SH3TC2: variants seen among roughly 807,000 people sequenced by gnomAD.
SH3TC2 encodes SH3 domain and tetratricopeptide repeat-containing protein 2.
A neutral mutation model predicts 124.5 loss-of-function variants in SH3TC2; 87 were observed. The observed-to-expected ratio is 0.70, with a 90% CI of 0.59 to 0.84. The LOEUF (loss-of-function observed/expected upper bound fraction) is 0.84, where lower values mean the gene tolerates loss of function less well. Ranked by LOEUF, SH3TC2 falls within the 40% of genes least tolerant of loss-of-function variation. The pLI, the probability that SH3TC2 is intolerant of heterozygous loss-of-function variation, is 0.00. For missense variants in SH3TC2, 1,536 were observed against 1,566.4 expected, an observed-to-expected ratio of 0.98 and a Z score of 0.33; for synonymous variants, 634 against 628.5, an observed-to-expected ratio of 1.01 and a Z score of -0.13.
chr5:149,008,762 C>T, intron 15 of SH3TC2, 89 bp downstream of exon 15: 2 of 1,579,232 alleles, frequency 1.3e-6, no homozygotes, highest in South Asian at 1.1e-5. Flanking sequence ...CACAGTCTGA[C>T]TCCAGGGCCT....
rs201027465 is a variant in SH3TC2 at position 148,998,772 on chromosome 5, G to A, written c.*5939C>T. Among the ~76,000 whole-genome samples the A allele has an allele frequency of 4.6e-5, 7 of 152,124 alleles. No individual in the cohort carries two copies. Among genetic ancestry groups the A allele is most frequent in the East Asian group, 3.9e-4 (2 of 5,180 alleles). On this transcript the variant is annotated 3_prime_UTR_variant, in exon 17 of 17. Transcript: ENST00000515425. ...AGACACCCCTTAGAGGAGGGTGAACGAAGTGCACATTCCCAGAGCCAGCAC... is the reference window on the plus strand; with the variant it reads ...AGACACCCCTTAGAGGAGGGTGAACAAAGTGCACATTCCCAGAGCCAGCAC...
rs1753358406 is a variant in SH3TC2, at chr5:148,987,840, TG to T, written c.*16870del. Among the ~76,000 whole-genome samples, 2 of 151,644 alleles carry T rather than the reference TG, an allele frequency of 1.3e-5. No individual in the cohort carries two copies. The highest frequency in any genetic ancestry group is 2.9e-5 in the Non-Finnish European group (2 of 67,892). On this transcript the variant is annotated 3_prime_UTR_variant, in exon 17 of 17. Transcript: ENST00000515425. ...GTGTGTGTGTGTGTGTGTGTGTGTGTGTGTGTGTGTGTGTGTTCTTTAGATC... is the reference window on the plus strand; with the variant it reads ...GTGTGTGTGTGTGTGTGTGTGTGTGTTGTGTGTGTGTGTGTTCTTTAGATC...
chr5:149,008,576 T>G lies in SH3TC2; in HGVS notation c.3478+275A>C, dbSNP rs1753729806. On this transcript the variant is annotated intron_variant, in intron 15 of 16. Coordinates refer to ENST00000515425, the MANE Select transcript of SH3TC2 (RefSeq NM_024577.4). Reference sequence around the variant, plus strand: ...CAACACTTACCAAGGACTTACCATGTACCCAGGATTGTGCTATGGCTGTTA... The same window carrying G: ...CAACACTTACCAAGGACTTACCATGGACCCAGGATTGTGCTATGGCTGTTA... The G allele has an allele frequency of 9.6e-6, 5 of 522,330 alleles. No homozygotes were observed. The East Asian group carries it at 1.8e-4, about 19-fold the overall frequency. 32.4% of individuals were successfully genotyped at this position (522,330 alleles called of 1,614,324 possible). A position where few individuals can be genotyped will look rare whatever the true frequency, so the allele number is the denominator to read the frequency against.
Position 148,992,599 on chromosome 5 carries a change from GGTTTT to G in SH3TC2, c.*12107_*12111del, listed in dbSNP as rs1422270673. ...CATAATTCCAAGAAGAGATTTCATT[GGTTTT>G]TTTTTTTTTTTTTTTTTTCAGATTT... On this transcript the variant is annotated 3_prime_UTR_variant, in exon 17 of 17. Coordinates refer to ENST00000515425, the MANE Select transcript of SH3TC2 (RefSeq NM_024577.4). 1.4e-4 allele frequency among the ~76,000 whole-genome samples: 9 copies of G among 64,736 alleles called. No homozygotes were observed. Among genetic ancestry groups the G allele is most frequent in the African/African-American group, 4.9e-4 (9 of 18,460 alleles). The allele number at this position is 64,736 out of a possible 152,430, so 42.5% of individuals were successfully genotyped here.
At chr5:149,049,814 T>C (rs1754527034) in intron 2 of SH3TC2, among the ~76,000 whole-genome samples, 1 of 151,634 alleles carries the variant, frequency 6.6e-6, no homozygotes, top group Non-Finnish European at 1.5e-5. Flanking sequence ...CTAAATAACA[T>C]CGTGGATATA....
intron 8 of SH3TC2, among the ~76,000 whole-genome samples, chr5:149,037,029 G>C (rs570918029): frequency 1.3e-5 from 2 of 152,192 alleles, no homozygotes; most frequent in South Asian, 4.1e-4. Context: ...TGTCACCCTT[G>C]CTCAGAGACA....
At position 149,004,101 on chromosome 5, in the gene SH3TC2, G is replaced by A. The variant is rs1353766569; in HGVS notation, c.*610C>T. ...ATGTGGGAGCACAGCCTTATGGCAG[G>A]AGGAAGATGGTGAATCCAAGTCAGG... On this transcript the variant is annotated 3_prime_UTR_variant, in exon 17 of 17. Coordinates refer to ENST00000515425, the MANE Select transcript of SH3TC2 (RefSeq NM_024577.4). 3 of 190,756 alleles carry A rather than the reference G, an allele frequency of 1.6e-5. No homozygotes were observed. The highest frequency in any genetic ancestry group is 3.3e-5 in the Non-Finnish European group (3 of 90,908). 11.8% of individuals were successfully genotyped at this position (190,756 alleles called of 1,614,324 possible). A position where few individuals can be genotyped will look rare whatever the true frequency, so the allele number is the denominator to read the frequency against.
In SH3TC2 at chr5:148,987,181, C is replaced by T. The variant is rs981601402; in HGVS notation, c.*17530G>A. Among the ~76,000 whole-genome samples the T allele has an allele frequency of 2.0e-5, 3 of 152,016 alleles. No individual in the cohort carries two copies. Among genetic ancestry groups the T allele is most frequent in the African/African-American group, 7.3e-5 (3 of 41,378 alleles). ...TTAATTTGATTTAAATTATTTTAAC[C>T]ACTGTAACCCCTCTGTGGGGAGAGG... On this transcript the variant is annotated 3_prime_UTR_variant, in exon 17 of 17. Coordinates refer to ENST00000515425, the MANE Select transcript of SH3TC2 (RefSeq NM_024577.4).
At chr5:149,025,612 A>T (rs960745013) in intron 12 of SH3TC2, among the ~76,000 whole-genome samples, 1 of 152,226 alleles carries the variant, frequency 6.6e-6, no homozygotes, top group African/African-American at 2.4e-5. Context: ...AATGGAATCA[A>T]TTTAAGGCTT....
intron 12 of SH3TC2, among the ~76,000 whole-genome samples, chr5:149,025,367 T>A: frequency 6.6e-6 from 1 of 152,204 alleles, no homozygotes; most frequent in East Asian, 1.9e-4. Context: ...TGATTATTCC[T>A]TATCTGATTG....
In SH3TC2 at chr5:148,998,891, T is replaced by C. The variant is rs1309341884; in HGVS notation, c.*5820A>G. ...GGTACATATCAGGAAATATATGCTGTCCCACCGAAGAGGGAAGACCGCCAA... is the reference window on the plus strand; with the variant it reads ...GGTACATATCAGGAAATATATGCTGCCCCACCGAAGAGGGAAGACCGCCAA... On this transcript the variant is annotated 3_prime_UTR_variant, in exon 17 of 17. Transcript: ENST00000515425. Among the ~76,000 whole-genome samples, 1 of 151,934 alleles carries C rather than the reference T, an allele frequency of 6.6e-6. No individual in the cohort carries two copies. The highest frequency in any genetic ancestry group is 1.9e-4 in the East Asian group (1 of 5,170).
Position 149,027,960 on chromosome 5 carries a change from AG to A in SH3TC2, c.1771del (p.Leu591CysfsTer54). Reference sequence around the variant, plus strand: ...CAGCAGGGCACCTGCCTTTTCCAACAGGGCGGAGCCTTTATGTCTCAGCCTC... The same window carrying A: ...CAGCAGGGCACCTGCCTTTTCCAACAGGCGGAGCCTTTATGTCTCAGCCTC... ...KQRLRHKGSA[L>X]LEKAGALLAC... On this transcript the variant is annotated frameshift_variant, in exon 11 of 17. Coordinates refer to ENST00000515425, the MANE Select transcript of SH3TC2 (RefSeq NM_024577.4). LOFTEE classifies it high-confidence loss of function. 6.2e-7 allele frequency: 1 copy of A among 1,614,156 alleles called. No homozygotes were observed. The highest frequency in any genetic ancestry group is 8.5e-7 in the Non-Finnish European group (1 of 1,180,040).
rs748413646 is a variant in SH3TC2, at chr5:149,010,301, C to T, written c.3296G>A (p.Arg1099His). The change falls in exon 14 of 17, where the codon CGC (arginine) becomes CAC (histidine). Residue 1099 changes from arginine (R) to histidine (H), a missense_variant. By Grantham distance (29) the Arg-to-His change is conservative (BLOSUM62 0). Coordinates refer to ENST00000515425, the MANE Select transcript of SH3TC2 (RefSeq NM_024577.4). The part of the protein sequence containing the change: ...EAGDVFFNGT[R>H]HRHHAVEYYR... ...GTACTCCACTGCATGATGCCTGTGG[C>T]GGGTCCCATTGAAGAACACATCACC... 1.6e-5 allele frequency: 26 copies of T among 1,614,082 alleles called. No individual in the cohort carries two copies. In the East Asian group the frequency reaches 3.3e-4, roughly 21 times the overall value.
chr5:149,019,333 A>G (rs1485655315), intron 12 of SH3TC2, among the ~76,000 whole-genome samples: 1 of 151,854 alleles, frequency 6.6e-6, no homozygotes, highest in East Asian at 1.9e-4. Context: ...TGATTTATAC[A>G]TGCTAAATAA....
Position 149,044,376 on chromosome 5 carries a change from G to T in SH3TC2, c.385+157C>A. 5 of 643,316 alleles carry T rather than the reference G, an allele frequency of 7.8e-6. No homozygotes were observed. In the East Asian group the frequency reaches 1.4e-4, roughly 18 times the overall value. The allele number at this position is 643,316 out of a possible 1,614,324, so 39.9% of individuals were successfully genotyped here. ...ATAGTTAATATTTGCCTTAGATTTA[G>T]TTTGAGGCACTTTGTGAAATTTCAA... is the stretch of plus-strand genomic sequence containing the variant. On this transcript the variant is annotated intron_variant, in intron 4 of 16. Transcript: ENST00000515425.
At chr5:149,038,909 C>A (rs553719147) in intron 7 of SH3TC2, among the ~76,000 whole-genome samples, 21 of 152,354 alleles carry the variant, frequency 1.4e-4, no homozygotes, top group African/African-American at 5.0e-4. Context: ...GTGAGAACCA[C>A]TCGACCAGAG....
rs187646195 is a variant in SH3TC2, at chr5:148,984,490, G to C, written c.*20221C>G. Among the ~76,000 whole-genome samples, 45 of 152,204 alleles carry C rather than the reference G, an allele frequency of 3.0e-4. No homozygotes were observed. The highest frequency in any genetic ancestry group is 9.6e-4 in the African/African-American group (40 of 41,528). ...GGGAAAAACCCTGGGGCCTTGTCTG[G>C]GCTCATGACTCATGAGGAAGGTATG... On this transcript the variant is annotated 3_prime_UTR_variant, in exon 17 of 17. Transcript: ENST00000515425.
At chr5:149,062,122 C>T (rs1443205711) in intron 1 of SH3TC2, among the ~76,000 whole-genome samples, 1 of 152,096 alleles carries the variant, frequency 6.6e-6, no homozygotes, top group Non-Finnish European at 1.5e-5. Flanking sequence ...CATGGTGGAG[C>T]TCCAGGAAGA....
chr5:149,008,745 G>T, intron 15 of SH3TC2, 106 bp downstream of exon 15: 1 of 1,513,382 alleles, frequency 6.6e-7, no homozygotes, highest in Non-Finnish European at 9.2e-7. Flanking sequence ...CCTGGGATTT[G>T]AACCCACACA....
Sources: gnomAD v4.1 joint callset for allele counts (sites outside exome capture counted in the v4.1 genomes callset) on GRCh38, gnomAD v4.1.1 for gene constraint, MANE v1.5 for transcripts, NCBI Gene and HGNC (gene_info 2026-07-23, HGNC 2026-07-21) for gene names.